ZNF782: variants seen among roughly 807,000 people sequenced by gnomAD.
ZNF782 encodes the protein zinc finger protein 782.
Under a neutral mutation model 13.0 loss-of-function variants are expected in ZNF782, and 12 were observed. That is an observed-to-expected ratio of 0.92 (90% CI 0.59 to 1.50). The LOEUF is 1.50. Ranked by LOEUF, ZNF782 falls within the 40% of genes most tolerant of loss-of-function variation. The probability of loss-of-function intolerance (pLI) is 0.00; values close to 1 mark genes in which losing one functional copy is unlikely to be tolerated. For synonymous variants in ZNF782, 284 were observed against 283.0 expected, an observed-to-expected ratio of 1.00 and a Z score of -0.04; for missense variants, 770 against 822.9, an observed-to-expected ratio of 0.94 and a Z score of 0.79.
At chr9:96,903,528 A>G in the ZNF782 span, among the ~76,000 whole-genome samples, 1 of 146,132 alleles carries the variant, frequency 6.8e-6, no homozygotes, top group African/African-American at 2.6e-5. Context: ...ATGTGACCAT[A>G]ACTTTTCTTT....
At chr9:96,874,357 C>T (rs750817550) in intron 1 of ZNF782, among the ~76,000 whole-genome samples, 6 of 149,924 alleles carry the variant, frequency 4.0e-5, no homozygotes, top group Non-Finnish European at 7.3e-5. Context: ...TCAAGACTAG[C>T]GTGACTAGTG....
At chr9:96,874,917 C>T (rs991090195) in intron 1 of ZNF782, among the ~76,000 whole-genome samples, 4 of 152,208 alleles carry the variant, frequency 2.6e-5, no homozygotes, top group African/African-American at 4.8e-5. Flanking sequence ...AGTGGCTAGG[C>T]GCCTTCGTGT....
At chr9:96,839,514 C>G (rs1851124235) in intron 4 of ZNF782, among the ~76,000 whole-genome samples, 2 of 151,892 alleles carry the variant, frequency 1.3e-5, no homozygotes, top group South Asian at 4.2e-4. Context: ...TATCTGGAAC[C>G]ATCAGTCTCT....
chr9:96,930,659 C>T, the ZNF782 span, among the ~76,000 whole-genome samples: 8 of 149,190 alleles, frequency 5.4e-5, no homozygotes, highest in Non-Finnish European at 1.2e-4. Flanking sequence ...CAGGGGACTC[C>T]ACCACTGCTT....
In ZNF782 at chr9:96,818,695, G is replaced by C. The variant is rs1563991545; in HGVS notation, c.1328C>G (p.Thr443Ser). The change falls in exon 6 of 6, where the codon ACC (threonine) becomes AGC (serine). Residue 443 changes from threonine (T) to serine (S), a missense_variant. Physicochemically the swap from Thr to Ser is moderately conservative, Grantham distance 58. Transcript: ENST00000481138. ...AKSGLRIHQR[T>S]HTGEKPFECH... ...TTCGAATGGTTTCTCCCCTGTGTGG[G>C]TTCTCTGGTGTATTCTTAGGCCTGA... The C allele has an allele frequency of 6.8e-6, 11 of 1,613,610 alleles. No individual in the cohort carries two copies. The highest frequency in any genetic ancestry group is 9.3e-6 in the Non-Finnish European group (11 of 1,179,926).
chr9:96,853,643 A>AT (rs1851570258), intron 1 of ZNF782, among the ~76,000 whole-genome samples: 1 of 152,354 alleles, frequency 6.6e-6, no homozygotes, highest in African/African-American at 2.4e-5. Flanking sequence ...CATTTGACAC[A>AT]TGGTAAGATT....
rs1404650896 is a variant in ZNF782, at chr9:96,818,510, G to A, written c.1513C>T (p.Pro505Ser). The A allele has an allele frequency of 5.6e-6, 9 of 1,613,804 alleles. No individual in the cohort carries two copies. In the African/African-American group the frequency reaches 9.4e-5, roughly 17 times the overall value. ...NHRRTHTGER[P>S]YKCDECGKAF... ...TTCCCACATTCATCACATTTATATG[G>A]TCTTTCCCCTGTGTGAGTTCTTCGG... The change falls in exon 6 of 6, where the codon CCA (proline) becomes TCA (serine). Residue 505 changes from proline (P) to serine (S), a missense_variant. Physicochemically the swap from Pro to Ser is moderately conservative, Grantham distance 74. Transcript: ENST00000481138.
upstream of ZNF782, among the ~76,000 whole-genome samples, chr9:96,858,017 C>T (rs954675234): frequency 6.6e-5 from 10 of 152,104 alleles, no homozygotes; most frequent in African/African-American, 1.7e-4. The surrounding 1 kb of genome is among the most constrained non-coding windows in gnomAD (Gnocchi z 4.4). Flanking sequence ...TTCTAGAGGC[C>T]GTCTGCAAGT....
intron 5 of ZNF782, 88 bp downstream of exon 5, chr9:96,826,992 T>C: frequency 1.2e-6 from 1 of 821,796 alleles, no homozygotes; most frequent in South Asian, 2.3e-5. Flanking sequence ...GTGTATAAAT[T>C]TTAACCATTA....
chr9:96,923,185 A>C, the ZNF782 span, among the ~76,000 whole-genome samples: 1 of 149,486 alleles, frequency 6.7e-6, no homozygotes, highest in Non-Finnish European at 1.5e-5. Context: ...ACACACACAC[A>C]CACTCAATAC....
At chr9:96,834,765 T>C (rs1850932185) in intron 4 of ZNF782, among the ~76,000 whole-genome samples, 1 of 152,184 alleles carries the variant, frequency 6.6e-6, no homozygotes, top group Admixed American at 6.5e-5. Flanking sequence ...GAGAGAAAAT[T>C]GGTACCAAGG....
upstream of ZNF782, among the ~76,000 whole-genome samples, chr9:96,858,863 G>A (rs1011303210): frequency 4.6e-5 from 7 of 152,140 alleles, no homozygotes; most frequent in Non-Finnish European, 8.8e-5. This position sits in a 1 kb window ranked among gnomAD's most constrained non-coding sequence, Gnocchi z 4.4. Flanking sequence ...GAGAGAGTCC[G>A]TGCTTGGCGG....
intron 1 of ZNF782, among the ~76,000 whole-genome samples, chr9:96,868,752 T>C (rs1484278180): frequency 3.3e-5 from 5 of 152,230 alleles, no homozygotes; most frequent in African/African-American, 1.2e-4. Context: ...GATAGGGTTC[T>C]GTACAGTGTG....
In ZNF782 at chr9:96,816,671, T is replaced by G. The variant is rs568817585; in HGVS notation, c.*1252A>C. 2 of 152,262 alleles carry G rather than the reference T, an allele frequency of 1.3e-5. No homozygotes were observed. Among genetic ancestry groups the G allele is most frequent in the African/African-American group, 4.8e-5 (2 of 41,462 alleles). The allele number at this position is 152,262 out of a possible 1,614,324, so 9.4% of individuals were successfully genotyped here. The stretch of plus-strand genomic sequence containing the variant: ...AAGCTCTGATATAAAATATGATAAT[T>G]TGTTGAAAACTTTTACACATTCAAA... On this transcript the variant is annotated 3_prime_UTR_variant, in exon 6 of 6. Transcript: ENST00000481138.
At chr9:96,864,501 C>T (rs910491399) in intron 1 of ZNF782, among the ~76,000 whole-genome samples, 2 of 152,038 alleles carry the variant, frequency 1.3e-5, no homozygotes, top group Non-Finnish European at 2.9e-5. Context: ...GTCAGGTTTT[C>T]AGTTAAACAA....
At chr9:96,887,336 A>AGGAAGGAAGGAAGGAC in the ZNF782 span, 205 of 146,212 alleles carry the variant, frequency 1.4e-3, 2 homozygotes, top group African/African-American at 4.7e-3. Flanking sequence ...GAAGGAAGGA[A>AGGAAGGAAGGAAGGAC]GGAAGAAAGA....
the ZNF782 span, among the ~76,000 whole-genome samples, chr9:96,899,567 T>C: frequency 6.6e-6 from 1 of 152,262 alleles, no homozygotes; most frequent in African/African-American, 2.4e-5. Context: ...TGAATGTATT[T>C]CTTCCAGTTA....
chr9:96,885,218 A>G, the ZNF782 span, among the ~76,000 whole-genome samples: 5 of 152,284 alleles, frequency 3.3e-5, no homozygotes, highest in African/African-American at 1.2e-4. Context: ...GTTTTCGGGC[A>G]GCTATCAAAT....
At chr9:96,837,854 T>C (rs749800458) in intron 4 of ZNF782, among the ~76,000 whole-genome samples, 9 of 152,344 alleles carry the variant, frequency 5.9e-5, no homozygotes, top group Non-Finnish European at 1.2e-4. Flanking sequence ...TTCACGTAGC[T>C]GGAACTACTG....
Sources: gnomAD v4.1 joint callset for allele counts (sites outside exome capture counted in the v4.1 genomes callset) on GRCh38, gnomAD v4.1.1 for gene constraint, Gnocchi (gnomAD v3.1) non-coding constraint, MANE v1.5 for transcripts, NCBI Gene and HGNC (gene_info 2026-07-23, HGNC 2026-07-21) for gene names.